ZNF438: variants seen among roughly 807,000 people sequenced by gnomAD.
ZNF438 encodes the protein zinc finger protein 438.
ZNF438 carries 25 observed loss-of-function variants against 38.0 expected under a neutral mutation model. The ratio of observed to expected loss-of-function variants is 0.66; its 90% CI spans 0.48 to 0.92. The LOEUF is 0.92. Ranked by LOEUF, ZNF438 falls within the 40% of genes least tolerant of loss-of-function variation. The probability of loss-of-function intolerance (pLI) is 0.00; values close to 1 mark genes in which losing one functional copy is unlikely to be tolerated. For synonymous variants in ZNF438, 372 were observed against 364.1 expected, an observed-to-expected ratio of 1.02 and a Z score of -0.25; for missense variants, 1,007 against 999.6, an observed-to-expected ratio of 1.01 and a Z score of -0.10.
chr10:30,932,491 A>G (rs2045804451), intron 2 of ZNF438, among the ~76,000 whole-genome samples: 1 of 152,178 alleles, frequency 6.6e-6, no homozygotes, highest in Non-Finnish European at 1.5e-5. Flanking sequence ...CAATCCTATA[A>G]TAACCTTACA....
intron 1 of ZNF438, among the ~76,000 whole-genome samples, chr10:31,027,144 T>C (rs551706202): frequency 6.6e-6 from 1 of 152,088 alleles, no homozygotes; most frequent in East Asian, 1.9e-4. Flanking sequence ...CTAATGTAAA[T>C]GACGAGTTAA....
chr10:30,934,468 C>T (rs1308279042), intron 2 of ZNF438, among the ~76,000 whole-genome samples: 1 of 152,158 alleles, frequency 6.6e-6, no homozygotes, highest in Non-Finnish European at 1.5e-5. Flanking sequence ...ATTGAGTTCC[C>T]CAAACTTCTT....
chr10:30,919,982 G>C (rs2044105956), intron 2 of ZNF438: 1 of 152,186 alleles, frequency 6.6e-6, no homozygotes, highest in Non-Finnish European at 1.5e-5. Flanking sequence ...GGTTTTCTGT[G>C]CCTCATCAGT....
chr10:31,015,934 G>A (rs771621435), intron 1 of ZNF438, among the ~76,000 whole-genome samples: 6 of 152,094 alleles, frequency 3.9e-5, no homozygotes, highest in Non-Finnish European at 7.4e-5. Flanking sequence ...CTGATCAGGG[G>A]TCCATTCTTA....
chr10:30,852,212 TTTC>T (rs1213317185), intron 4 of ZNF438, among the ~76,000 whole-genome samples: 5 of 126,798 alleles, frequency 3.9e-5, no homozygotes, highest in Admixed American at 1.5e-4. Flanking sequence ...GATTTTCTTT[TTTC>T]TTTTTTTTTT....
At chr10:30,971,897 A>T (rs2136234773) in intron 1 of ZNF438, among the ~76,000 whole-genome samples, 1 of 152,338 alleles carries the variant, frequency 6.6e-6, no homozygotes, top group South Asian at 2.1e-4. Context: ...TCACATAAAA[A>T]GATTACCTTT....
intron 1 of ZNF438, among the ~76,000 whole-genome samples, chr10:30,987,221 G>A (rs558157706): frequency 2.6e-4 from 40 of 151,826 alleles, no homozygotes; most frequent in Non-Finnish European, 4.1e-4. Flanking sequence ...TTGGGAGGAC[G>A]AGATGGGAGG....
intron 1 of ZNF438, among the ~76,000 whole-genome samples, chr10:30,957,127 G>A (rs1350383872): frequency 3.9e-5 from 6 of 152,010 alleles, no homozygotes; most frequent in East Asian, 1.9e-4. Flanking sequence ...TTTGATTTGC[G>A]TTTCCCTGAT....
exon 2 of ZNF438, chr10:30,941,624 C>T (rs1400484688): frequency 6.6e-6 from 1 of 151,652 alleles, no homozygotes; most frequent in Non-Finnish European, 1.5e-5. Flanking sequence ...CACTTCAGTA[C>T]TGGATGGGAA....
At chr10:30,882,925 T>C (rs1270453460) in intron 3 of ZNF438, among the ~76,000 whole-genome samples, 1 of 152,198 alleles carries the variant, frequency 6.6e-6, no homozygotes, top group East Asian at 1.9e-4. Flanking sequence ...AAAATTCTAA[T>C]AGACATACAG....
intron 1 of ZNF438, among the ~76,000 whole-genome samples, chr10:30,948,121 A>G (rs1262689210): frequency 6.6e-6 from 1 of 150,964 alleles, no homozygotes; most frequent in African/African-American, 2.4e-5. Flanking sequence ...ACTGGGAGGC[A>G]CCCCCCAGCA....
chr10:30,893,592 C>T (rs2040971545), intron 3 of ZNF438, among the ~76,000 whole-genome samples: 1 of 152,104 alleles, frequency 6.6e-6, no homozygotes, highest in Non-Finnish European at 1.5e-5. Context: ...ATTACAGGTA[C>T]AGTTTTAAGA....
At chr10:30,963,392 CAAA>C (rs753557823) in intron 1 of ZNF438, among the ~76,000 whole-genome samples, 1,816 of 86,058 alleles carry the variant, frequency 0.021, 28 homozygotes, top group African/African-American at 0.079. Context: ...AACTCCATCT[CAAA>C]AAAAAAAAAA....
chr10:30,849,104 C>T (rs772361326), exon 5 of ZNF438: 28 of 1,613,696 alleles, frequency 1.7e-5, no homozygotes, highest in African/African-American at 8.0e-5. Flanking sequence ...CATAATGCTA[C>T]GGTATTTTTT....
At chr10:30,894,700 T>C (rs1258173589) in intron 3 of ZNF438, among the ~76,000 whole-genome samples, 1 of 152,130 alleles carries the variant, frequency 6.6e-6, no homozygotes, top group Admixed American at 6.5e-5. Flanking sequence ...GCAACATTAT[T>C]ATACAAGGAG....
intron 4 of ZNF438, among the ~76,000 whole-genome samples, chr10:30,876,137 TATG>T (rs943087986): frequency 6.6e-6 from 1 of 152,224 alleles, no homozygotes; most frequent in Non-Finnish European, 1.5e-5. Context: ...GCTCAAGAGT[TATG>T]ATACTACCTT....
At chr10:30,845,597 G>A (rs2031806467) in intron 5 of ZNF438, 24 bp from the exon 7 acceptor site, 1 of 1,584,078 alleles carries the variant, frequency 6.3e-7, no homozygotes, top group South Asian at 1.2e-5. Flanking sequence ...TAATAATGAA[G>A]ATAAGATTTC....
intron 1 of ZNF438, among the ~76,000 whole-genome samples, chr10:30,946,949 T>C (rs149202725): frequency 1.2e-3 from 183 of 152,336 alleles, no homozygotes; most frequent in African/African-American, 4.2e-3. Context: ...CAACATAACT[T>C]CAAATATTAT....
intron 1 of ZNF438, among the ~76,000 whole-genome samples, chr10:30,949,785 C>G (rs2047936949): frequency 6.6e-6 from 1 of 151,430 alleles, no homozygotes; most frequent in South Asian, 2.1e-4. Flanking sequence ...TAGACTCCCA[C>G]ACATTAATAA....
Sources: allele counts gnomAD v4.1 joint callset (sites outside exome capture counted in the v4.1 genomes callset), GRCh38; gene constraint gnomAD v4.1.1; transcripts MANE v1.5; gene names NCBI Gene and HGNC (gene_info 2026-07-23, HGNC 2026-07-21).